TRAM1L1: variants seen among roughly 807,000 people sequenced by gnomAD.
TRAM1L1 encodes the protein translocation associated membrane protein 1 like 1, also known as translocating chain-associated membrane protein 1-like 1.
For missense variants in TRAM1L1, 451 were observed against 439.9 expected (o/e 1.03, Z -0.23); for synonymous variants, 189 against 163.6 (o/e 1.16, Z -1.18).
chr4:117,084,501 A>G lies in TRAM1L1; in HGVS notation c.893T>C (p.Ile298Thr). The G allele has an allele frequency of 6.2e-7, 1 of 1,614,180 alleles. No individual in the cohort carries two copies. The highest frequency in any genetic ancestry group is 8.5e-7 in the Non-Finnish European group (1 of 1,180,036). Residue 298 changes from isoleucine (I) to threonine (T), a missense_variant, in exon 1 of 1, where the codon ATT becomes ACT. By Grantham distance (89) the Ile-to-Thr change is moderately conservative. Transcript: ENST00000310754. ...CGTGCAACTGGACGACAGAACAGCA[A>G]TTTTAGCTGCCAACACATTTACATT... Reference protein sequence around the residue: ...TGNVNVLAAKIAVLSSSCTIQ... With the variant: ...TGNVNVLAAKTAVLSSSCTIQ...
rs755408129 is a variant in TRAM1L1 at position 117,084,822 on chromosome 4, T to C, written c.572A>G (p.Gln191Arg). The change falls in exon 1 of 1, where the codon CAA becomes CGA. Residue 191 changes from glutamine to arginine, a missense_variant. Coordinates refer to ENST00000310754, the MANE Select transcript of TRAM1L1 (RefSeq NM_152402.3). ...PELYFQKTKK[Q>R]DIPRQLVYIG... ...GTAGACAAGTTGACGAGGGATGTCT[T>C]GTTTTTTGGTTTTCTGGAAGTAGAG... The C allele has an allele frequency of 2.2e-5, 35 of 1,614,054 alleles. No homozygotes were observed. The highest frequency in any genetic ancestry group is 2.7e-5 in the Non-Finnish European group (32 of 1,180,024).
In TRAM1L1 at chr4:117,084,398, T is replaced by C. The variant is rs1732409302; in HGVS notation, c.996A>G (p.Ser332=). ...ATCTCGACCGTTTCTTTTTCATACA[T>C]GAGGCCTGAATATTAGAATCTTCTA... The part of the protein sequence containing the change: ...RWVEDSNIQA[S]CMKKKRSRSS... Residue 332 remains serine, a synonymous_variant, in exon 1 of 1, where the codon TCA becomes TCG. Transcript: ENST00000310754. 3.7e-6 allele frequency: 6 copies of C among 1,614,190 alleles called. No individual in the cohort carries two copies. The highest frequency in any genetic ancestry group is 5.1e-6 in the Non-Finnish European group (6 of 1,180,032).
At position 117,085,208 on chromosome 4, in the gene TRAM1L1, T is replaced by G. The variant is rs142876527; in HGVS notation, c.186A>C (p.Ala62=). 1 of 1,614,150 alleles carries G rather than the reference T, an allele frequency of 6.2e-7. No homozygotes were observed. The highest frequency in any genetic ancestry group is 1.7e-5 in the Admixed American group (1 of 60,028). Reference sequence around the variant, plus strand: ...ACTTTGAGCCCGTGGCTTGTTCCTCTGCTGCAGGGACAGCAACACTGTGCT... The same window carrying G: ...ACTTTGAGCCCGTGGCTTGTTCCTCGGCTGCAGGGACAGCAACACTGTGCT... ...TLQHSVAVPA[A]EEQATGSKSL... Residue 62 remains alanine (A), a synonymous_variant, in exon 1 of 1, where the codon GCA becomes GCC. Coordinates refer to ENST00000310754, the MANE Select transcript of TRAM1L1 (RefSeq NM_152402.3).
In TRAM1L1 at chr4:117,085,495, C is replaced by G; in HGVS notation, c.-102G>C. ...GTAGCAGCTCCGGGGGCTCCACTTCCCATCCCGAAGTCAGTCCCGGGTCGC... is the reference window on the plus strand; with the variant it reads ...GTAGCAGCTCCGGGGGCTCCACTTCGCATCCCGAAGTCAGTCCCGGGTCGC... On this transcript the variant is annotated 5_prime_UTR_variant, in exon 1 of 1. Transcript: ENST00000310754. 6.8e-7 allele frequency: 1 copy of G among 1,477,350 alleles called. No individual in the cohort carries two copies. Among genetic ancestry groups the G allele is most frequent in the Non-Finnish European group, 9.1e-7 (1 of 1,100,912 alleles). The allele number at this position is 1,477,350 out of a possible 1,614,324, so 91.5% of individuals were successfully genotyped here. A position where few individuals can be genotyped will look rare whatever the true frequency, so the allele number is the denominator to read the frequency against.
chr4:117,085,294 A>G lies in TRAM1L1; in HGVS notation c.100T>C (p.Phe34Leu). The G allele has an allele frequency of 1.2e-6, 2 of 1,614,086 alleles. No homozygotes were observed. The highest frequency in any genetic ancestry group is 1.7e-6 in the Non-Finnish European group (2 of 1,180,032). Residue 34 changes from phenylalanine to leucine, a missense_variant, in exon 1 of 1, where the codon TTC (phenylalanine) becomes CTC (leucine). Phe to Leu is a conservative substitution (Grantham distance 22). Transcript: ENST00000310754. ...ADIVSCVGMF[F>L]LLGLVFEGTA... Reference sequence around the variant, plus strand: ...CCCTCGAACACAAGCCCCAGCAGGAAGAACATCCCCACGCAGGAGACGATG... The same window carrying G: ...CCCTCGAACACAAGCCCCAGCAGGAGGAACATCCCCACGCAGGAGACGATG...
Position 117,084,529 on chromosome 4 carries a change from CAGTA to C in TRAM1L1, c.861_864del (p.Thr288GlufsTer3). On this transcript the variant is annotated frameshift_variant, in exon 1 of 1. Coordinates refer to ENST00000310754, the MANE Select transcript of TRAM1L1 (RefSeq NM_152402.3). LOFTEE classifies it low-confidence loss of function (END_TRUNC). ...TTAGCTGCCAACACATTTACATTTCCAGTAAGGGCATCAGGATTCCGATTCTGCG... is the reference window on the plus strand; with the variant it reads ...TTAGCTGCCAACACATTTACATTTCCAGGGCATCAGGATTCCGATTCTGCG... The C allele has an allele frequency of 6.2e-7, 1 of 1,614,102 alleles. No individual in the cohort carries two copies. Among genetic ancestry groups the C allele is most frequent in the Non-Finnish European group, 8.5e-7 (1 of 1,180,020 alleles).
chr4:117,085,366 T>A lies in TRAM1L1; in HGVS notation c.28A>T (p.Asn10Tyr). The A allele has an allele frequency of 6.2e-7, 1 of 1,612,952 alleles. No homozygotes were observed. The highest frequency in any genetic ancestry group is 8.5e-7 in the Non-Finnish European group (1 of 1,179,250). The change falls in exon 1 of 1, where the codon AAC becomes TAC. Residue 10 changes from asparagine to tyrosine, a missense_variant. Asn to Tyr is a moderately radical substitution (Grantham distance 143). Transcript: ENST00000310754. ...AATTCCTGGCTGAGAACGGGGGGGT[T>A]CTTGGTGCTCTTCTTACGGAGCCCC... MGLRKKSTKNPPVLSQEFIL... is the reference protein window; with the variant it reads MGLRKKSTKYPPVLSQEFIL...
Position 117,084,616 on chromosome 4 carries a change from C to A in TRAM1L1, c.778G>T (p.Gly260Cys). 1 of 1,614,050 alleles carries A rather than the reference C, an allele frequency of 6.2e-7. No individual in the cohort carries two copies. The highest frequency in any genetic ancestry group is 8.5e-7 in the Non-Finnish European group (1 of 1,180,016). ...GAAACAATTAAAGTCACAAGTCTAC[C>A]CAAGATAAACACAATGGCCCACAGA... ...ISLWAIVFIL[G>C]RLVTLIVSVL... is the part of the protein sequence containing the mutation. The change falls in exon 1 of 1, where the codon GGT (glycine) becomes TGT (cysteine). Residue 260 changes from glycine to cysteine, a missense_variant. Transcript: ENST00000310754.
Position 117,085,052 on chromosome 4 carries a change from C to A in TRAM1L1, c.342G>T (p.Ala114=). 1 of 1,614,038 alleles carries A rather than the reference C, an allele frequency of 6.2e-7. No individual in the cohort carries two copies. Among genetic ancestry groups the A allele is most frequent in the Non-Finnish European group, 8.5e-7 (1 of 1,180,010 alleles). Residue 114 remains alanine (A), a synonymous_variant, in exon 1 of 1, where the codon GCG becomes GCT. Coordinates refer to ENST00000310754, the MANE Select transcript of TRAM1L1 (RefSeq NM_152402.3). ...CAGACTCGTTAAACTTGTTTTGTTT[C>A]GCTTTGGTGAACTGCATTCTCTTGT... is the stretch of plus-strand genomic sequence containing the variant. The part of the protein sequence containing the change: ...KINKRMQFTK[A]KQNKFNESGQ...
chr4:117,084,004 A>C lies in TRAM1L1; in HGVS notation c.*280T>G, dbSNP rs1732400846. On this transcript the variant is annotated 3_prime_UTR_variant, in exon 1 of 1. Coordinates refer to ENST00000310754, the MANE Select transcript of TRAM1L1 (RefSeq NM_152402.3). ...CAGTTATCTCTGCAAATCATTAGGA[A>C]AATGTTGAAAGGTTAAAAATCAAAA... 1 of 315,936 alleles carries C rather than the reference A, an allele frequency of 3.2e-6. No individual in the cohort carries two copies. Among genetic ancestry groups the C allele is most frequent in the South Asian group, 7.8e-5 (1 of 12,896 alleles). The allele number at this position is 315,936 out of a possible 1,614,324, so 19.6% of individuals were successfully genotyped here. A position where few individuals can be genotyped will look rare whatever the true frequency, so the allele number is the denominator to read the frequency against.
chr4:117,085,449 C>G lies in TRAM1L1; in HGVS notation c.-56G>C. 1 of 1,552,280 alleles carries G rather than the reference C, an allele frequency of 6.4e-7. No homozygotes were observed. The highest frequency in any genetic ancestry group is 2.3e-5 in the East Asian group (1 of 44,140). On this transcript the variant is annotated 5_prime_UTR_variant, in exon 1 of 1. Transcript: ENST00000310754. ...CCGCAGCTGCCTCCCCCTGGCTGCT[C>G]CTCACAGCGCCGCCGCCACGGTAGC...
rs1049154554 is a variant in TRAM1L1 at position 117,083,832 on chromosome 4, T to C, written c.*452A>G. ...AAAATAAATTCTAACAATTACAGAATACTGATTTGACTTCCACCTTTTTCG... is the reference window on the plus strand; with the variant it reads ...AAAATAAATTCTAACAATTACAGAACACTGATTTGACTTCCACCTTTTTCG... On this transcript the variant is annotated 3_prime_UTR_variant, in exon 1 of 1. Coordinates refer to ENST00000310754, the MANE Select transcript of TRAM1L1 (RefSeq NM_152402.3). The C allele has an allele frequency of 6.5e-6, 1 of 153,960 alleles. No individual in the cohort carries two copies. Among genetic ancestry groups the C allele is most frequent in the Non-Finnish European group, 1.4e-5 (1 of 69,038 alleles). The allele number at this position is 153,960 out of a possible 1,614,324, so 9.5% of individuals were successfully genotyped here.
Position 117,084,476 on chromosome 4 carries a change from C to A in TRAM1L1, c.918G>T (p.Thr306=). The A allele has an allele frequency of 6.2e-7, 1 of 1,614,152 alleles. No homozygotes were observed. Among genetic ancestry groups the A allele is most frequent in the Non-Finnish European group, 8.5e-7 (1 of 1,180,024 alleles). ...AGTTCCATGTTACGTAGGCTTGGAT[C>A]GTGCAACTGGACGACAGAACAGCAA... ...AKIAVLSSSC[T]IQAYVTWNLI... Residue 306 remains threonine (T), a synonymous_variant, in exon 1 of 1, where the codon ACG becomes ACT. Transcript: ENST00000310754.
rs774860005 is a variant in TRAM1L1, at chr4:117,085,169, A to C, written c.225T>G (p.Tyr75Ter). ...QATGSKSLYY[Y>*]GVKDLATVFF... ...AAACCGTGGCCAAATCTTTGACACC[A>C]TAATAATAGAGGGACTTTGAGCCCG... is the stretch of plus-strand genomic sequence containing the variant. The change falls in exon 1 of 1, where the codon TAT (tyrosine) becomes TAG (stop). Residue 75 changes from tyrosine to a stop codon, truncating the protein, a stop_gained. Transcript: ENST00000310754. LOFTEE classifies it low-confidence loss of function (END_TRUNC). The C allele has an allele frequency of 3.1e-6, 5 of 1,614,116 alleles. No homozygotes were observed. The highest frequency in any genetic ancestry group is 1.1e-5 in the South Asian group (1 of 91,080).
At position 117,083,567 on chromosome 4, in the gene TRAM1L1, A is replaced by C. The variant is rs1732388658; in HGVS notation, c.*717T>G. 1 of 152,158 alleles carries C rather than the reference A, an allele frequency of 6.6e-6. No homozygotes were observed. Among genetic ancestry groups the C allele is most frequent in the Admixed American group, 6.6e-5 (1 of 15,266 alleles). 9.4% of individuals were successfully genotyped at this position (152,158 alleles called of 1,614,324 possible). On this transcript the variant is annotated 3_prime_UTR_variant, in exon 1 of 1. Coordinates refer to ENST00000310754, the MANE Select transcript of TRAM1L1 (RefSeq NM_152402.3). ...CTAAGTTCAATGTCCTTTTTAAAGTAATATTTAATTTCATGAATTCCCATT... is the reference window on the plus strand; with the variant it reads ...CTAAGTTCAATGTCCTTTTTAAAGTCATATTTAATTTCATGAATTCCCATT...
chr4:117,084,635 C>T lies in TRAM1L1; in HGVS notation c.759G>A (p.Trp253Ter), dbSNP rs760814608. The T allele has an allele frequency of 6.2e-7, 1 of 1,614,036 alleles. No individual in the cohort carries two copies. Residue 253 changes from tryptophan (W) to a stop codon, truncating the protein, a stop_gained, in exon 1 of 1, where the codon TGG becomes TGA. Coordinates refer to ENST00000310754, the MANE Select transcript of TRAM1L1 (RefSeq NM_152402.3). LOFTEE classifies it low-confidence loss of function (END_TRUNC). The stretch of plus-strand genomic sequence containing the variant: ...GTCTACCCAAGATAAACACAATGGC[C>T]CACAGAGATATGCCTTTCTGGTACT... ...DEKYQKGISLWAIVFILGRLV... is the reference protein window; with the variant it reads ...DEKYQKGISL
At position 117,084,708 on chromosome 4, in the gene TRAM1L1, A is replaced by G; in HGVS notation, c.686T>C (p.Val229Ala). 6.2e-7 allele frequency: 1 copy of G among 1,614,196 alleles called. No individual in the cohort carries two copies. Among genetic ancestry groups the G allele is most frequent in the African/African-American group, 1.3e-5 (1 of 75,058 alleles). ...GCCGCACATGTGGGAAAGTAATTCA[A>G]CAAAATAATGCAGTACCAAAAGAAG... ...GLLLLVLHYF[V>A]ELLSHMCGLF... The change falls in exon 1 of 1, where the codon GTT becomes GCT. Residue 229 changes from valine (V) to alanine (A), a missense_variant. Coordinates refer to ENST00000310754, the MANE Select transcript of TRAM1L1 (RefSeq NM_152402.3).
In TRAM1L1 at chr4:117,084,686, G is replaced by A. The variant is rs1187942863; in HGVS notation, c.708C>T (p.Cys236=). 1.9e-6 allele frequency: 3 copies of A among 1,613,926 alleles called. No homozygotes were observed. Among genetic ancestry groups the A allele is most frequent in the Admixed American group, 3.3e-5 (2 of 59,980 alleles). ...TTTCATCACTAAAGTAAAACAGGCC[G>A]CACATGTGGGAAAGTAATTCAACAA... The part of the protein sequence containing the change: ...HYFVELLSHM[C]GLFYFSDEKY... The change falls in exon 1 of 1, where the codon TGC becomes TGT. Residue 236 remains cysteine (C), a synonymous_variant. Transcript: ENST00000310754.
Position 117,085,025 on chromosome 4 carries a change from A to G in TRAM1L1, c.369T>C (p.Gly123=), listed in dbSNP as rs1732424701. Residue 123 remains glycine (G), a synonymous_variant, in exon 1 of 1, where the codon GGT becomes GGC. Transcript: ENST00000310754. ...AAAAAAAGTAGAACACACTAAACTG[A>G]CCAGACTCGTTAAACTTGTTTTGTT... ...KAKQNKFNES[G]QFSVFYFFSC... 6.2e-7 allele frequency: 1 copy of G among 1,614,082 alleles called. No individual in the cohort carries two copies. Among genetic ancestry groups the G allele is most frequent in the Non-Finnish European group, 8.5e-7 (1 of 1,180,032 alleles).
Sources: allele counts gnomAD v4.1 joint callset, GRCh38; gene constraint gnomAD v4.1.1; transcripts MANE v1.5; gene names NCBI Gene and HGNC (gene_info 2026-07-23, HGNC 2026-07-21).